FOXP1: variants seen among roughly 807,000 people sequenced by gnomAD.
FOXP1 encodes the protein forkhead box protein P1.
In FOXP1, 15 loss-of-function variants were observed where a neutral mutation model predicts 98.2. The observed-to-expected ratio is 0.15, with a 90% CI of 0.10 to 0.24. FOXP1 has a LOEUF of 0.24. Ranked by LOEUF, FOXP1 falls within the 10% of genes least tolerant of loss-of-function variation. FOXP1 has a pLI of 1.00. For synonymous variants in FOXP1, 371 were observed against 314.5 expected, an observed-to-expected ratio of 1.18 and a Z score of -1.90; for missense variants, 633 against 848.5, an observed-to-expected ratio of 0.75 and a Z score of 3.15.
intron 2 of FOXP1, among the ~76,000 whole-genome samples, chr3:71,558,431 T>C (rs2046295871): frequency 6.6e-6 from 1 of 152,192 alleles, no homozygotes; most frequent in Non-Finnish European, 1.5e-5. Context: ...GGCAGAAAGT[T>C]TTCTAGGAGG....
At chr3:71,571,556 T>C (rs1003597665) in intron 2 of FOXP1, 2 of 152,166 alleles carry the variant, frequency 1.3e-5, no homozygotes, top group Non-Finnish European at 2.9e-5. Context: ...AAAAATTAAG[T>C]TTTTCCAATC....
chr3:71,117,514 T>C (rs1475724299), intron 6 of FOXP1, among the ~76,000 whole-genome samples: 2 of 152,118 alleles, frequency 1.3e-5, no homozygotes, highest in Admixed American at 6.5e-5. Context: ...ATTCTCTGGA[T>C]ACAGAATGCG....
intron 3 of FOXP1, among the ~76,000 whole-genome samples, chr3:71,407,144 T>C (rs940579528): frequency 2.6e-5 from 4 of 152,084 alleles, no homozygotes; most frequent in African/African-American, 9.7e-5. Context: ...ACGCCACCCA[T>C]TCTCCCCAGC....
intron 11 of FOXP1, among the ~76,000 whole-genome samples, chr3:71,028,646 G>C (rs1260261109): frequency 1.3e-5 from 2 of 152,194 alleles, no homozygotes; most frequent in Non-Finnish European, 2.9e-5. Context: ...AGGAACTGGG[G>C]GGCAGGGAAT....
chr3:71,114,946 T>C (rs1339246430), intron 6 of FOXP1, among the ~76,000 whole-genome samples: 1 of 152,144 alleles, frequency 6.6e-6, no homozygotes, highest in Non-Finnish European at 1.5e-5. Flanking sequence ...ATAGTCCCCT[T>C]TGCAAGGTGC....
chr3:71,085,696 T>A (rs1393268586), intron 7 of FOXP1, among the ~76,000 whole-genome samples: 1 of 147,452 alleles, frequency 6.8e-6, no homozygotes, highest in African/African-American at 2.5e-5. Flanking sequence ...TATGTCCAAG[T>A]TTTCATTTGG....
At chr3:71,560,474 C>T (rs1248265189) in intron 2 of FOXP1, among the ~76,000 whole-genome samples, 4 of 152,162 alleles carry the variant, frequency 2.6e-5, no homozygotes, top group Non-Finnish European at 4.4e-5. Context: ...AATAGTTCAG[C>T]CACTTTGGGA....
chr3:70,998,406 A>T (rs1322176667), intron 13 of FOXP1, among the ~76,000 whole-genome samples: 1 of 152,194 alleles, frequency 6.6e-6, no homozygotes, highest in Non-Finnish European at 1.5e-5. Flanking sequence ...ATATAAAAAC[A>T]TTCCTTAGCT....
At chr3:71,308,643 G>A (rs187159669) in intron 4 of FOXP1, among the ~76,000 whole-genome samples, 3 of 151,958 alleles carry the variant, frequency 2.0e-5, no homozygotes, top group Admixed American at 6.5e-5. Context: ...ATAAACTGTC[G>A]CCCAAGGATC....
intron 1 of FOXP1, chr3:71,582,028 A>AACTGTTTATTTAGTCCTTATTCTCAC: frequency 4.1e-6 from 4 of 977,346 alleles, no homozygotes; most frequent in Non-Finnish European, 4.9e-6. Flanking sequence ...TTGGAGTTAC[A>AACTGTTTATTTAGTCCTTATTCTCAC]ACTGTTTATT....
chr3:70,964,894 C>T (rs1181658229), intron 20 of FOXP1, among the ~76,000 whole-genome samples: 1 of 152,130 alleles, frequency 6.6e-6, no homozygotes, highest in Admixed American at 6.5e-5. Flanking sequence ...CATTAGATGC[C>T]AATTCCATAT....
intron 8 of FOXP1, among the ~76,000 whole-genome samples, chr3:71,052,947 A>G (rs2050111013): frequency 6.6e-6 from 1 of 152,202 alleles, no homozygotes; most frequent in Non-Finnish European, 1.5e-5. Flanking sequence ...TCTCTTCTGC[A>G]TGCTTTCTAA....
rs578115132 is a variant in FOXP1 at position 70,955,404 on chromosome 3, A to T, written c.*3843T>A. 48 of 232,788 alleles carry T rather than the reference A, an allele frequency of 2.1e-4. 1 individual carries two copies. Among genetic ancestry groups the T allele is most frequent in the African/African-American group, 1.0e-3 (46 of 45,402 alleles). 14.4% of individuals were successfully genotyped at this position (232,788 alleles called of 1,614,324 possible). On this transcript the variant is annotated 3_prime_UTR_variant, in exon 21 of 21. Coordinates refer to ENST00000649528, the MANE Select transcript of FOXP1 (RefSeq NM_001349338.3). ...GATATTCCATTTTGTGGCTGGTCCA[A>T]GGGGCAGCCTAACTCATCTTACAAG...
At chr3:71,424,354 C>T (rs370241977) in intron 3 of FOXP1, among the ~76,000 whole-genome samples, 14 of 152,278 alleles carry the variant, frequency 9.2e-5, no homozygotes, top group African/African-American at 3.4e-4. Context: ...GTTGCAAGCA[C>T]TGGGTAGGGC....
chr3:71,170,305 G>A (rs369394522), intron 6 of FOXP1, among the ~76,000 whole-genome samples: 15 of 152,120 alleles, frequency 9.9e-5, no homozygotes, highest in South Asian at 8.3e-4. Context: ...CCCTCACTCC[G>A]TTGAGCCTAA....
intron 1 of FOXP1, chr3:71,582,597 C>T (rs1464338567): frequency 1.0e-6 from 1 of 985,340 alleles, no homozygotes; most frequent in African/African-American, 1.7e-5. Context: ...TCTCCCCGTC[C>T]CCCAAGCTTC....
intron 5 of FOXP1, among the ~76,000 whole-genome samples, chr3:71,271,636 C>T (rs984741172): frequency 3.9e-5 from 6 of 152,174 alleles, no homozygotes; most frequent in South Asian, 2.1e-4. Flanking sequence ...CATCTACTGA[C>T]GGATCACTGG....
At chr3:71,205,212 C>T (rs145216546) in intron 5 of FOXP1, among the ~76,000 whole-genome samples, 94 of 152,158 alleles carry the variant, frequency 6.2e-4, no homozygotes, top group African/African-American at 2.1e-3. Context: ...AATTAATTTC[C>T]GAATTGACAA....
At chr3:71,321,112 A>G (rs1202399317) in intron 4 of FOXP1, among the ~76,000 whole-genome samples, 8 of 140,664 alleles carry the variant, frequency 5.7e-5, no homozygotes, top group African/African-American at 2.2e-4. Context: ...GTCCTAATTT[A>G]GACTGTACCA....
Sources: allele counts gnomAD v4.1 joint callset (sites outside exome capture counted in the v4.1 genomes callset), GRCh38; gene constraint gnomAD v4.1.1; transcripts MANE v1.5; gene names NCBI Gene and HGNC (gene_info 2026-07-23, HGNC 2026-07-21).